Variants in SVIL observed in about 807,000 individuals in gnomAD.
The protein encoded by SVIL is archvillin.
SVIL carries 101 observed loss-of-function variants against 240.4 expected under a neutral mutation model. That is an observed-to-expected ratio of 0.42 (90% CI 0.36 to 0.50). The LOEUF is 0.50. Among genes scored for constraint, SVIL ranks in the 20% least tolerant of loss-of-function variants. SVIL has a pLI of 0.01. For missense variants in SVIL, 2,512 were observed against 2,818.7 expected (o/e 0.89, Z 2.46); for synonymous variants, 999 against 1,100.0 (o/e 0.91, Z 1.82).
At chr10:29,471,609 A>C (rs1436452175) in intron 30 of SVIL, among the ~76,000 whole-genome samples, 1 of 152,248 alleles carries the variant, frequency 6.6e-6, no homozygotes, top group Non-Finnish European at 1.5e-5. Context: ...TACATTCTTA[A>C]CAAGATAGCT....
Position 29,462,404 on chromosome 10 carries a change from G to GTAGT in SVIL, c.6278-7_6278-4dup. On this transcript the variant is annotated splice_polypyrimidine_tract_variant and splice_region_variant and intron_variant, in intron 35 of 37. Transcript: ENST00000355867. ...GGCTGGTTTCTTGAGATTTTTTCCTGTAGTTACACAGATTGCAATGTCAGT... is the reference window on the plus strand; with the variant it reads ...GGCTGGTTTCTTGAGATTTTTTCCTGTAGTTAGTTACACAGATTGCAATGTCAGT... 1 of 1,613,790 alleles carries GTAGT rather than the reference G, an allele frequency of 6.2e-7. No individual in the cohort carries two copies. Among genetic ancestry groups the GTAGT allele is most frequent in the Non-Finnish European group, 8.5e-7 (1 of 1,179,900 alleles).
intron 29 of SVIL, 143 bp downstream of exon 29, chr10:29,480,394 G>C (rs3952844): frequency 1.0e-6 from 1 of 988,202 alleles, no homozygotes; most frequent in Non-Finnish European, 1.5e-6. Flanking sequence ...AGTTTACTAG[G>C]TGGCTCTCAA....
At chr10:29,540,507 T>A (rs768010497) in intron 6 of SVIL, among the ~76,000 whole-genome samples, 2 of 152,210 alleles carry the variant, frequency 1.3e-5, no homozygotes, top group Non-Finnish European at 2.9e-5. Flanking sequence ...GGACATTAAC[T>A]GCTCACGATC....
At chr10:29,474,138 G>T in intron 29 of SVIL, 149 bp from the exon 30 acceptor site, 1 of 1,113,854 alleles carries the variant, frequency 9.0e-7, no homozygotes, top group Non-Finnish European at 1.2e-6. Context: ...CACCTGGAGG[G>T]AAGGCTGGTC....
intron 22 of SVIL, among the ~76,000 whole-genome samples, chr10:29,490,470 G>A (rs552197647): frequency 6.6e-6 from 1 of 152,002 alleles, no homozygotes; most frequent in East Asian, 1.9e-4. Flanking sequence ...ATTTGTAACC[G>A]GGTGCGGTGG....
intron 27 of SVIL, among the ~76,000 whole-genome samples, chr10:29,482,242 C>T (rs1946968938): frequency 6.6e-6 from 1 of 152,026 alleles, no homozygotes; most frequent in Non-Finnish European, 1.5e-5. Context: ...CTATGTTGCT[C>T]AGGCTGGTCT....
chr10:29,551,613 C>T (rs1411176505), intron 5 of SVIL, among the ~76,000 whole-genome samples: 1 of 152,136 alleles, frequency 6.6e-6, no homozygotes, highest in Admixed American at 6.6e-5. Context: ...CAGTATTTCA[C>T]GTGGGAGGCC....
chr10:29,667,580 A>G (rs922008069), intron 2 of SVIL, among the ~76,000 whole-genome samples: 1 of 152,120 alleles, frequency 6.6e-6, no homozygotes, highest in African/African-American at 2.4e-5. Context: ...GGCCAGGTGT[A>G]GTGGCTCACA....
intron 1 of SVIL, among the ~76,000 whole-genome samples, chr10:29,725,797 G>T (rs577375682): frequency 6.6e-6 from 1 of 152,266 alleles, no homozygotes; most frequent in East Asian, 1.9e-4. Flanking sequence ...TGAATATGAA[G>T]AATACTCAGA....
At chr10:29,612,802 A>G (rs147768386) in intron 1 of SVIL, among the ~76,000 whole-genome samples, 1 of 152,344 alleles carries the variant, frequency 6.6e-6, no homozygotes, top group East Asian at 1.9e-4. Context: ...GTACAGGACA[A>G]TTAGGACAAT....
At chr10:29,705,904 T>G (rs1298054935) in intron 1 of SVIL, among the ~76,000 whole-genome samples, 1 of 152,236 alleles carries the variant, frequency 6.6e-6, no homozygotes, top group Non-Finnish European at 1.5e-5. Context: ...GCATTTAGGC[T>G]GATTCCATGA....
Position 29,533,360 on chromosome 10 carries a change from G to A in SVIL, c.1007C>T (p.Pro336Leu), listed in dbSNP as rs761018274. Residue 336 changes from proline to leucine, a missense_variant, in exon 8 of 38, where the codon CCA becomes CTA. By Grantham distance (98) the Pro-to-Leu change is moderately conservative (BLOSUM62 -3). Around this residue, in one of 3 missense-constraint regions of SVIL, gnomAD observed 1,443 missense variants for 1,486.6 expected, o/e 0.97. Transcript: ENST00000355867. Reference protein sequence around the residue: ...SVTQRRHQPAPVHYVSFQSEH... With the variant: ...SVTQRRHQPALVHYVSFQSEH... ...AGACTGAAATGACACGTAATGGACT[G>A]GCGCTGGCTGGTGTCTCCTCTGAGT... is the stretch of plus-strand genomic sequence containing the variant. 1.2e-6 allele frequency: 2 copies of A among 1,614,184 alleles called. No individual in the cohort carries two copies. The highest frequency in any genetic ancestry group is 2.2e-5 in the South Asian group (2 of 91,082).
chr10:29,623,927 C>A (rs750434484), intron 1 of SVIL, among the ~76,000 whole-genome samples: 2 of 152,220 alleles, frequency 1.3e-5, no homozygotes, highest in South Asian at 4.2e-4. Flanking sequence ...CACCATCAAC[C>A]GTAGTATGTA....
intron 16 of SVIL, among the ~76,000 whole-genome samples, chr10:29,515,612 A>G (rs1293921535): frequency 2.6e-5 from 4 of 152,040 alleles, no homozygotes; most frequent in African/African-American, 9.7e-5. Context: ...CTCTCACTTC[A>G]CCTTCCACCC....
chr10:29,615,430 T>C (rs1442927476), intron 1 of SVIL, among the ~76,000 whole-genome samples: 1 of 152,256 alleles, frequency 6.6e-6, no homozygotes, highest in South Asian at 2.1e-4. Flanking sequence ...ATTTCAATTT[T>C]GTTGGCAGTA....
chr10:29,736,182 C>G (rs1355748000), upstream of SVIL, among the ~76,000 whole-genome samples: 1 of 152,206 alleles, frequency 6.6e-6, no homozygotes, highest in Non-Finnish European at 1.5e-5. Context: ...CGAACTCGCG[C>G]CCGGAGCCGA....
At chr10:29,523,043 GC>G (rs1184492527) in intron 15 of SVIL, among the ~76,000 whole-genome samples, 1 of 152,166 alleles carries the variant, frequency 6.6e-6, no homozygotes, top group Non-Finnish European at 1.5e-5. Flanking sequence ...AGTGTAGCTT[GC>G]TAGCCTGCAA....
At chr10:29,641,516 C>T (rs544431747) in intron 3 of SVIL, among the ~76,000 whole-genome samples, 1 of 151,938 alleles carries the variant, frequency 6.6e-6, no homozygotes, top group East Asian at 1.9e-4. Flanking sequence ...TTCAATGAGC[C>T]GAGATCGCGC....
At chr10:29,529,393 C>T (rs1951191342) in intron 12 of SVIL, among the ~76,000 whole-genome samples, 1 of 145,300 alleles carries the variant, frequency 6.9e-6, no homozygotes, top group South Asian at 2.2e-4. Flanking sequence ...ACCGTGGAAG[C>T]TGGGGTTTCA....
Sources: gnomAD v4.1 joint callset for allele counts (sites outside exome capture counted in the v4.1 genomes callset) on GRCh38, gnomAD v4.1.1 for gene constraint, gnomAD v4.1.1 regional missense constraint, MANE v1.5 for transcripts, NCBI Gene and HGNC (gene_info 2026-07-23, HGNC 2026-07-21) for gene names.